Variants in MYO18B observed in about 807,000 individuals in gnomAD.
MYO18B encodes the protein myosin XVIIIB.
In MYO18B, 204 loss-of-function variants were observed where a neutral mutation model predicts 273.0. The observed-to-expected ratio is 0.75, with a 90% confidence interval of 0.67 to 0.84. MYO18B has a LOEUF of 0.84. MYO18B is among the 40% of genes least tolerant of loss of function. The pLI is 0.00. For synonymous variants in MYO18B, 1,330 were observed against 1,305.7 expected, an observed-to-expected ratio of 1.02 and a Z score of -0.40; for missense variants, 3,212 against 3,287.6, an observed-to-expected ratio of 0.98 and a Z score of 0.56.
rs774768493 is a variant in MYO18B at position 26,027,596 on chromosome 22, C to T, written c.7622C>T (p.Thr2541Met). ...CTTGCGGGTGACGGTGGCGAGCGAA[C>T]GTCCCCCGAGCGGAGAGAGCCAGGG... ...PRLAGDGGER[T>M]SPERREPGTG... Residue 2541 changes from threonine to methionine, a missense_variant, in exon 43 of 44, where the codon ACG (threonine) becomes ATG (methionine). Physicochemically the swap from Thr to Met is moderately conservative, Grantham distance 81. Transcript: ENST00000335473. This position sits in a 1 kb window ranked among gnomAD's most constrained non-coding sequence, Gnocchi z 4.1. 8 of 1,613,816 alleles carry T rather than the reference C, an allele frequency of 5.0e-6. No individual in the cohort carries two copies. Among genetic ancestry groups the T allele is most frequent in the East Asian group, 2.2e-5 (1 of 44,886 alleles).
At chr22:25,909,494 A>G (rs1964968088) in intron 32 of MYO18B, among the ~76,000 whole-genome samples, 1 of 152,244 alleles carries the variant, frequency 6.6e-6, no homozygotes, top group Non-Finnish European at 1.5e-5. Flanking sequence ...ACCATCACTC[A>G]GTACTTTTTC....
chr22:25,844,969 A>G (rs1264261499), intron 18 of MYO18B, among the ~76,000 whole-genome samples: 1 of 152,216 alleles, frequency 6.6e-6, no homozygotes, highest in Non-Finnish European at 1.5e-5. Context: ...GGACGATGCT[A>G]CAAGACTCAG....
At chr22:25,817,314 C>T (rs1434287442) in intron 12 of MYO18B, among the ~76,000 whole-genome samples, 1 of 149,688 alleles carries the variant, frequency 6.7e-6, no homozygotes. Flanking sequence ...CTTTCTTTCC[C>T]TCCTTCTTTT....
intron 12 of MYO18B, among the ~76,000 whole-genome samples, chr22:25,820,429 C>T (rs532650306): frequency 3.3e-5 from 5 of 152,286 alleles, no homozygotes; most frequent in Admixed American, 3.3e-4. Flanking sequence ...ATTGGGCCCT[C>T]ACAATCTCTT....
At chr22:25,854,819 A>G (rs1251502057) in intron 21 of MYO18B, among the ~76,000 whole-genome samples, 2 of 152,186 alleles carry the variant, frequency 1.3e-5, no homozygotes, top group Non-Finnish European at 2.9e-5. Flanking sequence ...CTCAAGGTTC[A>G]TTCATGTTGT....
At chr22:26,001,346 G>A (rs892595251) in intron 40 of MYO18B, among the ~76,000 whole-genome samples, 2 of 152,190 alleles carry the variant, frequency 1.3e-5, no homozygotes, top group African/African-American at 2.4e-5. Flanking sequence ...TATAGATGGC[G>A]CAGCACCTAG....
intron 39 of MYO18B, among the ~76,000 whole-genome samples, chr22:25,984,429 A>G (rs1052205920): frequency 1.3e-5 from 2 of 152,214 alleles, no homozygotes; most frequent in Non-Finnish European, 2.9e-5. Context: ...CTGCGAACCA[A>G]CTAACTAATA....
Position 26,004,757 on chromosome 22 carries a change from C to T in MYO18B, c.6372C>T (p.Ser2124=), listed in dbSNP as rs746204288. The part of the protein sequence containing the change: ...VSILSSQPEG[S]LQSWLSCTLS... ...TCCTCAGCTCCCAGCCAGAGGGCAG[C>T]CTGCAGTCCTGGTTGAGCTGTACTC... is the stretch of plus-strand genomic sequence containing the variant. The change falls in exon 42 of 44, where the codon AGC becomes AGT. Residue 2124 remains serine (S), a synonymous_variant. Coordinates refer to ENST00000335473, the MANE Select transcript of MYO18B (RefSeq NM_032608.7). 5.0e-6 allele frequency: 8 copies of T among 1,613,748 alleles called. No individual in the cohort carries two copies. The highest frequency in any genetic ancestry group is 3.3e-5 in the Admixed American group (2 of 59,988).
rs1239801698 is a variant in MYO18B, at chr22:26,027,666, C to T, written c.7692C>T (p.Tyr2564=). ...DDDVASIMKK[Y]LQK Reference sequence around the variant, plus strand: ...ATGTTGCGAGCATAATGAAGAAATACCTCCAGAAGTAGGAACCAGTTCAGG... The same window carrying T: ...ATGTTGCGAGCATAATGAAGAAATATCTCCAGAAGTAGGAACCAGTTCAGG... Residue 2564 remains tyrosine (Y), a synonymous_variant, in exon 43 of 44, where the codon TAC becomes TAT. Transcript: ENST00000335473. The surrounding 1 kb of genome is among the most constrained non-coding windows in gnomAD (Gnocchi z 4.1). 2.5e-6 allele frequency: 4 copies of T among 1,610,970 alleles called. No homozygotes were observed. Among genetic ancestry groups the T allele is most frequent in the East Asian group, 2.2e-5 (1 of 44,770 alleles).
At chr22:25,849,441 C>G (rs1413684886) in intron 20 of MYO18B, among the ~76,000 whole-genome samples, 1 of 152,018 alleles carries the variant, frequency 6.6e-6, no homozygotes, top group Non-Finnish European at 1.5e-5. Context: ...ACAGATACGT[C>G]AAATATTTAT....
intron 11 of MYO18B, among the ~76,000 whole-genome samples, chr22:25,790,381 C>T (rs73401952): frequency 0.038 from 5,810 of 152,244 alleles, 361 homozygotes; most frequent in African/African-American, 0.12. Context: ...ATAAGGTGGG[C>T]GTCTGGCTTG....
intron 21 of MYO18B, among the ~76,000 whole-genome samples, chr22:25,860,942 G>T (rs1038568040): frequency 6.6e-5 from 10 of 151,558 alleles, no homozygotes; most frequent in African/African-American, 2.4e-4. Flanking sequence ...TGGCTGGAGT[G>T]CAGTGGCACG....
chr22:25,868,208 A>C, intron 21 of MYO18B, 112 bp from the exon 22 acceptor site: 2 of 863,906 alleles, frequency 2.3e-6, no homozygotes, highest in Non-Finnish European at 3.7e-6. Flanking sequence ...GCTCACAGAC[A>C]TGTGGGGTCA....
At chr22:25,992,639 T>C in intron 40 of MYO18B, 146 bp downstream of exon 40, 2 of 1,077,708 alleles carry the variant, frequency 1.9e-6, no homozygotes, top group Non-Finnish European at 2.7e-6. Context: ...TTTACTTGGG[T>C]AAGGAGAGAC....
chr22:25,992,499 T>C lies in MYO18B; in HGVS notation c.6287+6T>C. 1.9e-6 allele frequency: 3 copies of C among 1,613,838 alleles called. No homozygotes were observed. The highest frequency in any genetic ancestry group is 2.5e-6 in the Non-Finnish European group (3 of 1,179,860). On this transcript the variant is annotated splice_donor_region_variant and intron_variant, in intron 40 of 43. Transcript: ENST00000335473. ...AGTGACAGTGATACTGAGAGGTAAC[T>C]TGCTAGGGGCTCGGCGGGGCTGGGC...
intron 20 of MYO18B, among the ~76,000 whole-genome samples, chr22:25,850,534 C>T (rs893012838): frequency 2.6e-5 from 4 of 152,156 alleles, no homozygotes; most frequent in African/African-American, 9.7e-5. Flanking sequence ...GATTTGCACA[C>T]ATAAGCTCTC....
intron 13 of MYO18B, 37 bp downstream of exon 13, chr22:25,823,715 C>T: frequency 6.2e-7 from 1 of 1,606,346 alleles, no homozygotes; most frequent in Non-Finnish European, 8.5e-7. Context: ...AGCTGGGCCC[C>T]CCTCTGGGCC....
At chr22:25,899,452 G>A (rs899615365) in intron 29 of MYO18B, 2 of 152,152 alleles carry the variant, frequency 1.3e-5, no homozygotes, top group African/African-American at 4.8e-5. Context: ...TGAATTTGTG[G>A]AAACTGCCTC....
chr22:26,036,356 C>A, the MYO18B span, among the ~76,000 whole-genome samples: 1 of 152,274 alleles, frequency 6.6e-6, no homozygotes, highest in Non-Finnish European at 1.5e-5. Context: ...CATCATAGCT[C>A]CCATTCCTGT....
Sources: gnomAD v4.1 joint callset for allele counts (sites outside exome capture counted in the v4.1 genomes callset) on GRCh38, gnomAD v4.1.1 for gene constraint, Gnocchi (gnomAD v3.1) non-coding constraint, MANE v1.5 for transcripts, NCBI Gene and HGNC (gene_info 2026-07-23, HGNC 2026-07-21) for gene names.